ZNF652: variants seen among roughly 807,000 people sequenced by gnomAD.
ZNF652 encodes the protein zinc finger protein 652.
In ZNF652, 16 loss-of-function variants were observed where a neutral mutation model predicts 45.2. That is an observed-to-expected ratio of 0.35 (90% confidence interval 0.24 to 0.54). The LOEUF (loss-of-function observed/expected upper bound fraction) is 0.54, where lower values mean the gene tolerates loss of function less well. Ranked by LOEUF, ZNF652 falls within the 20% of genes least tolerant of loss-of-function variation. The pLI, the probability that ZNF652 is intolerant of heterozygous loss-of-function variation, is 0.91. For synonymous variants in ZNF652, 250 were observed against 260.6 expected (o/e 0.96, Z 0.39); for missense variants, 614 against 765.6 (o/e 0.80, Z 2.34).
At chr17:49,312,926 CT>C in intron 2 of ZNF652, 81 bp from the exon 3 acceptor site, 1 of 1,439,166 alleles carries the variant, frequency 6.9e-7, no homozygotes, top group Non-Finnish European at 9.4e-7. Flanking sequence ...AACGGATGTG[CT>C]TTAGGTTCAT....
rs1013378057 is a variant in ZNF652, at chr17:49,298,317, G to A, written c.*96C>T. ...GGCGAAGCTCTTGGTAGAGGCGGAG[G>A]AGAGTCTGAGAACTAAGGAAATGCT... On this transcript the variant is annotated 3_prime_UTR_variant, in exon 6 of 6. Coordinates refer to ENST00000430262, the MANE Select transcript of ZNF652 (RefSeq NM_001145365.3). 24 of 1,479,156 alleles carry A rather than the reference G, an allele frequency of 1.6e-5. No individual in the cohort carries two copies. In the Admixed American group the frequency reaches 4.2e-4, roughly 26 times the overall value. The allele number at this position is 1,479,156 out of a possible 1,614,324, so 91.6% of individuals were successfully genotyped here. A position where few individuals can be genotyped will look rare whatever the true frequency, so the allele number is the denominator to read the frequency against.
chr17:49,301,115 C>G (rs1471450379), intron 5 of ZNF652, among the ~76,000 whole-genome samples: 2 of 152,116 alleles, frequency 1.3e-5, no homozygotes, highest in African/African-American at 4.8e-5. Flanking sequence ...GAGAAAACAC[C>G]TCTTTACCCA....
intron 1 of ZNF652, among the ~76,000 whole-genome samples, chr17:49,344,026 G>A (rs1454697349): frequency 2.6e-5 from 4 of 152,112 alleles, no homozygotes; most frequent in Non-Finnish European, 4.4e-5. Context: ...GTGAAACCCC[G>A]TCTCTACTAA....
At chr17:49,310,232 C>A (rs979191945) in intron 5 of ZNF652, among the ~76,000 whole-genome samples, 1 of 152,210 alleles carries the variant, frequency 6.6e-6, no homozygotes, top group Non-Finnish European at 1.5e-5. Context: ...GGATTACAGG[C>A]GTGAGCCACC....
At chr17:49,303,975 A>G (rs1269106721) in intron 5 of ZNF652, among the ~76,000 whole-genome samples, 1 of 150,370 alleles carries the variant, frequency 6.7e-6, no homozygotes, top group Non-Finnish European at 1.5e-5. Flanking sequence ...TGCAAGCTCC[A>G]CCTCTCAGGT....
chr17:49,358,407 G>T (rs1372829937), intron 1 of ZNF652, among the ~76,000 whole-genome samples: 1 of 152,194 alleles, frequency 6.6e-6, no homozygotes, highest in Non-Finnish European at 1.5e-5. Flanking sequence ...CAACAAGGAG[G>T]TGTAGTTATG....
In ZNF652 at chr17:49,358,151, C is replaced by T. The variant is rs142421524; in HGVS notation, c.-259+3758G>A. 4.6e-4 allele frequency among the ~76,000 whole-genome samples: 70 copies of T among 152,264 alleles called. 1 individual carries two copies. In the East Asian group the frequency reaches 0.013, roughly 29 times the overall value. On this transcript the variant is annotated intron_variant, in intron 1 of 5. Transcript: ENST00000430262. ...CATTCTGCTGCTGAGGAAACTGAGG[C>T]CAGAGAGCTCAAAGTGACTTGTTCA...
At chr17:49,318,426 T>C (rs2069841743) in intron 1 of ZNF652, among the ~76,000 whole-genome samples, 1 of 152,186 alleles carries the variant, frequency 6.6e-6, no homozygotes, top group African/African-American at 2.4e-5. Context: ...CTTAAATGTT[T>C]CAGTATGAGC....
intron 1 of ZNF652, among the ~76,000 whole-genome samples, chr17:49,323,514 T>A (rs757738909): frequency 1.3e-5 from 2 of 152,238 alleles, no homozygotes; most frequent in African/African-American, 2.4e-5. Flanking sequence ...ATGTTCTTAA[T>A]GGCATCTAGA....
intron 5 of ZNF652, among the ~76,000 whole-genome samples, chr17:49,302,509 T>C (rs966221357): frequency 6.6e-6 from 1 of 151,786 alleles, no homozygotes; most frequent in Non-Finnish European, 1.5e-5. Flanking sequence ...AGGATGGTTT[T>C]GATCTCCTGA....
intron 5 of ZNF652, among the ~76,000 whole-genome samples, chr17:49,302,439 C>T (rs1448489111): frequency 1.3e-5 from 2 of 150,738 alleles, no homozygotes; most frequent in Non-Finnish European, 3.0e-5. Context: ...CAGGCACGTA[C>T]CACCACACCC....
At chr17:49,354,918 G>A (rs962257041) in intron 1 of ZNF652, among the ~76,000 whole-genome samples, 5 of 151,914 alleles carry the variant, frequency 3.3e-5, no homozygotes, top group Non-Finnish European at 7.4e-5. Flanking sequence ...TAGAGATGGG[G>A]TTTCTCCATG....
intron 1 of ZNF652, among the ~76,000 whole-genome samples, chr17:49,356,997 T>TA (rs34251428): frequency 0.083 from 11,530 of 138,704 alleles, 506 homozygotes; most frequent in African/African-American, 0.099. Context: ...AACTATGTTT[T>TA]AAAAAAAAAA....
chr17:49,325,151 C>A (rs955102363), intron 1 of ZNF652, among the ~76,000 whole-genome samples: 1 of 152,136 alleles, frequency 6.6e-6, no homozygotes, highest in Non-Finnish European at 1.5e-5. Flanking sequence ...TTTGACAGGC[C>A]TTGCTCACTA....
intron 1 of ZNF652, among the ~76,000 whole-genome samples, chr17:49,333,317 A>C (rs62076442): frequency 0.23 from 34,509 of 149,576 alleles, 4,073 homozygotes; most frequent in South Asian, 0.32. Context: ...TCGGCCTCCC[A>C]AAGTGCTGGG....
intron 1 of ZNF652, 34 bp from the exon 2 acceptor site, chr17:49,318,017 T>A (rs2143803443): frequency 3.8e-6 from 1 of 263,696 alleles, no homozygotes; most frequent in Admixed American, 5.0e-5. Flanking sequence ...AAAAATCAGG[T>A]AATACCACTA....
intron 1 of ZNF652, among the ~76,000 whole-genome samples, chr17:49,327,218 A>G (rs189792153): frequency 1.7e-4 from 26 of 152,222 alleles, no homozygotes; most frequent in East Asian, 1.2e-3. Flanking sequence ...GTTGGAGTGC[A>G]GTGGCACAAT....
chr17:49,316,485 C>T (rs1046944245), intron 2 of ZNF652, among the ~76,000 whole-genome samples: 4 of 152,162 alleles, frequency 2.6e-5, no homozygotes, highest in African/African-American at 4.8e-5. Context: ...ATCAGTAACT[C>T]CTACCTCCAC....
At position 49,289,913 on chromosome 17, in the gene ZNF652, A is replaced by G. The variant is rs2069382103; in HGVS notation, c.*8500T>C. The G allele has an allele frequency of 6.6e-6, 1 of 152,268 alleles. No homozygotes were observed. Among genetic ancestry groups the G allele is most frequent in the Non-Finnish European group, 1.5e-5 (1 of 68,048 alleles). The allele number at this position is 152,268 out of a possible 1,614,324, so 9.4% of individuals were successfully genotyped here. A position where few individuals can be genotyped will look rare whatever the true frequency, so the allele number is the denominator to read the frequency against. ...TCAAACTCCTTTGGACAAATATTCA[A>G]CATTCAACAACAAGCTTTGTAAACC... On this transcript the variant is annotated 3_prime_UTR_variant, in exon 6 of 6. Coordinates refer to ENST00000430262, the MANE Select transcript of ZNF652 (RefSeq NM_001145365.3).
Sources: allele counts gnomAD v4.1 joint callset (sites outside exome capture counted in the v4.1 genomes callset), GRCh38; gene constraint gnomAD v4.1.1; transcripts MANE v1.5; gene names NCBI Gene and HGNC (gene_info 2026-07-23, HGNC 2026-07-21).